The following KCNH7 variants were observed in gnomAD, a reference collection of about 807,000 sequenced individuals.
KCNH7 encodes potassium voltage-gated channel subfamily H member 7, also known as voltage-gated inwardly rectifying potassium channel KCNH7.
Under a neutral mutation model 120.8 loss-of-function variants are expected in KCNH7, and 49 were observed. That is an observed-to-expected ratio of 0.41 (90% CI 0.32 to 0.51). The LOEUF (loss-of-function observed/expected upper bound fraction) is 0.51, where lower values mean the gene tolerates loss of function less well. KCNH7 is among the 20% of genes least tolerant of loss of function. KCNH7 has a pLI of 0.38. For missense variants in KCNH7, 1,097 were observed against 1,446.6 expected (o/e 0.76, Z 3.92); for synonymous variants, 547 against 516.1 (o/e 1.06, Z -0.81).
chr2:162,681,329 T>C (rs1685703046), intron 2 of KCNH7, among the ~76,000 whole-genome samples: 1 of 151,666 alleles, frequency 6.6e-6, no homozygotes, highest in South Asian at 2.1e-4. Context: ...GGGTGACCTT[T>C]AGGAAGAAGG....
intron 2 of KCNH7, among the ~76,000 whole-genome samples, chr2:162,559,380 G>T (rs987748686): frequency 6.6e-6 from 1 of 152,132 alleles, no homozygotes; most frequent in African/African-American, 2.4e-5. Flanking sequence ...AGTCAGCTGC[G>T]ATCAGTAACA....
chr2:162,712,993 A>G (rs1400291599), intron 2 of KCNH7, among the ~76,000 whole-genome samples: 1 of 152,174 alleles, frequency 6.6e-6, no homozygotes, highest in African/African-American at 2.4e-5. Flanking sequence ...ACAGAGTTCA[A>G]ATAACTGATT....
intron 4 of KCNH7, among the ~76,000 whole-genome samples, chr2:162,513,467 C>CTCCTTCCTTCCTACCT (rs1691180130): frequency 9.6e-6 from 1 of 104,642 alleles, no homozygotes; most frequent in Non-Finnish European, 1.8e-5. Context: ...CCTTCCCTCC[C>CTCCTTCCTTCCTACCT]TCCTTCCTTC....
chr2:162,752,902 G>T lies in KCNH7; in HGVS notation c.307+83635C>A, dbSNP rs1164352261. 4.9e-5 allele frequency among the ~76,000 whole-genome samples: 3 copies of T among 61,280 alleles called. No individual in the cohort carries two copies. The East Asian group carries it at 2.5e-3, about 52-fold the overall frequency. The allele number at this position is 61,280 out of a possible 152,430, so 40.2% of individuals were successfully genotyped here. ...GGCAAAAGAGCAAGACTACATCTCA[G>T]AAAAAGAAAAGAAAAGAAAAGAAAA... On this transcript the variant is annotated intron_variant, in intron 2 of 15. Coordinates refer to ENST00000332142, the MANE Select transcript of KCNH7 (RefSeq NM_033272.4).
intron 3 of KCNH7, among the ~76,000 whole-genome samples, chr2:162,519,770 G>C (rs1691453091): frequency 6.6e-6 from 1 of 151,730 alleles, no homozygotes; most frequent in Non-Finnish European, 1.5e-5. Context: ...CTTATGGTCA[G>C]TCAACTTAAA....
chr2:162,377,139 G>A (rs1414725010), intron 14 of KCNH7, among the ~76,000 whole-genome samples: 4 of 152,096 alleles, frequency 2.6e-5, no homozygotes, highest in African/African-American at 9.7e-5. Context: ...AGAAGTCTGA[G>A]TTGAGCTTCC....
intron 2 of KCNH7, chr2:162,797,286 T>C (rs958100435): frequency 1.3e-5 from 2 of 152,098 alleles, no homozygotes; most frequent in African/African-American, 2.4e-5. Context: ...GATTATTGCA[T>C]TGGTAATTCT....
intron 2 of KCNH7, chr2:162,797,741 T>G (rs990504631): frequency 6.6e-6 from 1 of 152,066 alleles, no homozygotes; most frequent in African/African-American, 2.4e-5. Context: ...TTAGGAGGGC[T>G]GTAAGCCAGA....
At chr2:162,652,485 A>T (rs1684601443) in intron 2 of KCNH7, among the ~76,000 whole-genome samples, 1 of 152,172 alleles carries the variant, frequency 6.6e-6, no homozygotes, top group Non-Finnish European at 1.5e-5. Context: ...TCCACCTCAG[A>T]TCATCTCAGA....
chr2:162,567,639 C>T (rs1254539498), intron 2 of KCNH7, among the ~76,000 whole-genome samples: 3 of 152,030 alleles, frequency 2.0e-5, no homozygotes, highest in Non-Finnish European at 2.9e-5. Flanking sequence ...AGACTGCAGG[C>T]TTTATAAGAG....
chr2:162,517,624 TC>T (rs1157790553), intron 4 of KCNH7, 105 bp downstream of exon 4: 1 of 980,666 alleles, frequency 1.0e-6, no homozygotes, highest in Non-Finnish European at 1.5e-6. Context: ...TAATCACATT[TC>T]TTTCCCCAAT....
intron 2 of KCNH7, among the ~76,000 whole-genome samples, chr2:162,763,103 C>A (rs754947393): frequency 6.6e-6 from 1 of 152,032 alleles, no homozygotes; most frequent in African/African-American, 2.4e-5. Context: ...TTTCAGGAAT[C>A]ATGCCCTAAG....
intron 12 of KCNH7, among the ~76,000 whole-genome samples, chr2:162,388,888 C>G (rs1420469429): frequency 1.3e-5 from 2 of 151,918 alleles, no homozygotes; most frequent in African/African-American, 4.8e-5. Flanking sequence ...TATTTTCTAG[C>G]ACATTGGATT....
chr2:162,775,390 G>T (rs1683197435), intron 2 of KCNH7, among the ~76,000 whole-genome samples: 1 of 152,056 alleles, frequency 6.6e-6, no homozygotes, highest in Non-Finnish European at 1.5e-5. Context: ...TGTCTACCAT[G>T]CTTCTCTTTC....
intron 2 of KCNH7, among the ~76,000 whole-genome samples, chr2:162,706,719 G>A (rs73974048): frequency 0.092 from 13,757 of 149,976 alleles, 1,938 homozygotes; most frequent in African/African-American, 0.31. Flanking sequence ...CACCCACAGG[G>A]CAGTCATGGC....
At chr2:162,765,547 C>A (rs1056902113) in intron 2 of KCNH7, among the ~76,000 whole-genome samples, 1 of 152,042 alleles carries the variant, frequency 6.6e-6, no homozygotes, top group African/African-American at 2.4e-5. Context: ...TTTGTTGACA[C>A]CACACTGTTC....
intron 7 of KCNH7, 55 bp downstream of exon 7, chr2:162,445,963 A>C (rs1314779740): frequency 1.5e-6 from 2 of 1,366,794 alleles, no homozygotes; most frequent in African/African-American, 1.5e-5. Context: ...GTTAAAATAG[A>C]TTCACTTTTA....
intron 2 of KCNH7, among the ~76,000 whole-genome samples, chr2:162,661,434 A>G (rs1038962349): frequency 1.3e-5 from 2 of 152,222 alleles, no homozygotes; most frequent in South Asian, 4.1e-4. Context: ...AATACAGTGA[A>G]AAAAATAAAT....
intron 2 of KCNH7, among the ~76,000 whole-genome samples, chr2:162,835,684 G>C (rs72877163): frequency 0.056 from 8,427 of 151,600 alleles, 312 homozygotes; most frequent in South Asian, 0.11. Context: ...ACCTTAAAAT[G>C]GGCATATCTG....
Sources: gnomAD v4.1 joint callset for allele counts (sites outside exome capture counted in the v4.1 genomes callset) on GRCh38, gnomAD v4.1.1 for gene constraint, MANE v1.5 for transcripts, NCBI Gene and HGNC (gene_info 2026-07-23, HGNC 2026-07-21) for gene names.